RHBDD1: variants seen among roughly 807,000 people sequenced by gnomAD.
RHBDD1 encodes the protein rhomboid domain containing 1.
RHBDD1 carries 38 observed loss-of-function variants against 36.3 expected under a neutral mutation model. That is an observed-to-expected ratio of 1.05 (90% confidence interval 0.81 to 1.37). The LOEUF is 1.37. RHBDD1 is among the 40% of genes most tolerant of loss of function. The pLI is 0.00. For synonymous variants in RHBDD1, 151 were observed against 136.5 expected, an observed-to-expected ratio of 1.11 and a Z score of -0.74; for missense variants, 393 against 377.6, an observed-to-expected ratio of 1.04 and a Z score of -0.34.
chr2:226,945,703 T>C (rs1321697627), intron 8 of RHBDD1, among the ~76,000 whole-genome samples: 1 of 152,186 alleles, frequency 6.6e-6, no homozygotes, highest in Non-Finnish European at 1.5e-5. Context: ...CAATGGTATT[T>C]CTGGTTCTAG....
chr2:226,805,760 G>A, the RHBDD1 span, among the ~76,000 whole-genome samples: 1 of 152,206 alleles, frequency 6.6e-6, no homozygotes, highest in African/African-American at 2.4e-5. Context: ...GTGAATTTCA[G>A]TAATGATGAA....
At chr2:226,988,929 A>T (rs1240360793) in intron 8 of RHBDD1, among the ~76,000 whole-genome samples, 1 of 152,238 alleles carries the variant, frequency 6.6e-6, no homozygotes, top group Non-Finnish European at 1.5e-5. Flanking sequence ...TACTATTTGC[A>T]GTGAGCCTTA....
intron 8 of RHBDD1, among the ~76,000 whole-genome samples, chr2:226,934,082 A>G (rs1390933434): frequency 6.6e-6 from 1 of 152,156 alleles, no homozygotes; most frequent in African/African-American, 2.4e-5. Context: ...ATCCAGTACT[A>G]TTTATAGTCA....
At chr2:226,875,802 C>T (rs188997266) in intron 5 of RHBDD1, among the ~76,000 whole-genome samples, 106 of 152,254 alleles carry the variant, frequency 7.0e-4, no homozygotes, top group South Asian at 3.3e-3. Context: ...GGTGTTCCTT[C>T]AAATGTGTTC....
At chr2:226,834,904 T>G (rs1940842374), upstream of RHBDD1, among the ~76,000 whole-genome samples, 1 of 152,146 alleles carries the variant, frequency 6.6e-6, no homozygotes, top group African/African-American at 2.4e-5. Flanking sequence ...GCCTCCCGAG[T>G]AGCCGGGATT....
At position 226,866,584 on chromosome 2, in the gene RHBDD1, A is replaced by G. The variant is rs75822593; in HGVS notation, c.434-602A>G. On this transcript the variant is annotated intron_variant, in intron 4 of 8. Transcript: ENST00000392062. ...ATTGTCTCTCACTTTCTTCCTCACT[A>G]GTTCCTTTTTACAGATATTTCATGG... 2.6e-3 allele frequency among the ~76,000 whole-genome samples: 398 copies of G among 152,288 alleles called. 1 individual carries two copies. Among genetic ancestry groups the G allele is most frequent in the African/African-American group, 8.5e-3 (354 of 41,546 alleles).
At chr2:226,866,221 A>G (rs753373660) in intron 4 of RHBDD1, among the ~76,000 whole-genome samples, 27 of 151,962 alleles carry the variant, frequency 1.8e-4, no homozygotes, top group Non-Finnish European at 3.4e-4. Flanking sequence ...CAAGGCACGC[A>G]CCACCATGCC....
At chr2:226,816,944 A>G in the RHBDD1 span, among the ~76,000 whole-genome samples, 7 of 139,656 alleles carry the variant, frequency 5.0e-5, no homozygotes, top group Non-Finnish European at 8.2e-5. Flanking sequence ...GACAACTTGC[A>G]TTTTAGTTCA....
intron 8 of RHBDD1, among the ~76,000 whole-genome samples, chr2:226,915,814 A>G (rs1026591197): frequency 3.3e-5 from 5 of 152,232 alleles, no homozygotes; most frequent in Admixed American, 1.3e-4. Flanking sequence ...GTGATGATGT[A>G]TCAGTAATCT....
At chr2:226,959,829 A>AT (rs890827920) in intron 8 of RHBDD1, among the ~76,000 whole-genome samples, 4 of 151,596 alleles carry the variant, frequency 2.6e-5, no homozygotes, top group African/African-American at 9.7e-5. Flanking sequence ...TTGTTTGTTT[A>AT]TTTTTTGTTT....
intron 5 of RHBDD1, among the ~76,000 whole-genome samples, chr2:226,904,074 G>A (rs775090857): frequency 1.3e-5 from 2 of 152,102 alleles, no homozygotes; most frequent in Admixed American, 6.5e-5. Context: ...TCAAGTCCAC[G>A]TGTGATCTGA....
At chr2:226,939,285 C>A (rs767270718) in intron 8 of RHBDD1, among the ~76,000 whole-genome samples, 1 of 152,046 alleles carries the variant, frequency 6.6e-6, no homozygotes. Flanking sequence ...CCAGGGCAAT[C>A]GAACAAGAGA....
the RHBDD1 span, among the ~76,000 whole-genome samples, chr2:226,818,150 G>GTT: frequency 7.5e-6 from 1 of 133,098 alleles, no homozygotes; most frequent in Admixed American, 7.4e-5. Flanking sequence ...GGTCCAAACA[G>GTT]TATTTTTTTT....
intron 8 of RHBDD1, among the ~76,000 whole-genome samples, chr2:226,921,237 C>G (rs1038814350): frequency 6.6e-6 from 1 of 151,870 alleles, no homozygotes. Flanking sequence ...TTTGGGTCTT[C>G]TCTCTTTTTT....
At chr2:226,919,464 G>A (rs1253241295) in intron 8 of RHBDD1, among the ~76,000 whole-genome samples, 3 of 152,024 alleles carry the variant, frequency 2.0e-5, no homozygotes, top group Admixed American at 6.6e-5. Context: ...GGTCTTAGAT[G>A]TAAGTCTTTA....
chr2:226,922,150 C>T (rs1307637412), intron 8 of RHBDD1, among the ~76,000 whole-genome samples: 7 of 150,824 alleles, frequency 4.6e-5, no homozygotes, highest in African/African-American at 1.7e-4. Context: ...CTGATATAAG[C>T]ATAGCTACTC....
chr2:226,901,292 A>G (rs1947567162), intron 5 of RHBDD1, among the ~76,000 whole-genome samples: 1 of 152,116 alleles, frequency 6.6e-6, no homozygotes, highest in Non-Finnish European at 1.5e-5. Flanking sequence ...GTTGATGTAC[A>G]CTTAGGTTGT....
intron 6 of RHBDD1, 155 bp from the exon 7 acceptor site, chr2:226,908,667 C>A: frequency 1.6e-6 from 1 of 637,764 alleles, no homozygotes; most frequent in Non-Finnish European, 2.8e-6. Context: ...CCAGTTAGGG[C>A]TGGCCCCCAA....
At chr2:226,986,272 C>T (rs545279734) in intron 8 of RHBDD1, among the ~76,000 whole-genome samples, 2 of 152,146 alleles carry the variant, frequency 1.3e-5, no homozygotes, top group East Asian at 3.9e-4. Context: ...CAGGATTGGA[C>T]CCCGAACAGA....
Sources: gnomAD v4.1 joint callset for allele counts (sites outside exome capture counted in the v4.1 genomes callset) on GRCh38, gnomAD v4.1.1 for gene constraint, MANE v1.5 for transcripts, NCBI Gene and HGNC (gene_info 2026-07-23, HGNC 2026-07-21) for gene names.